ARHGAP6: variants seen among roughly 807,000 people sequenced by gnomAD.
ARHGAP6 encodes rho GTPase-activating protein 6.
A neutral mutation model predicts 55.7 loss-of-function variants in ARHGAP6; 16 were observed. The observed-to-expected ratio is 0.29, with a 90% CI of 0.19 to 0.44. The LOEUF (loss-of-function observed/expected upper bound fraction) is 0.44, where lower values mean the gene tolerates loss of function less well. ARHGAP6 is among the 20% of genes least tolerant of loss of function. The pLI is 1.00. For missense variants in ARHGAP6, 698 were observed against 808.9 expected (o/e 0.86, Z 1.66); for synonymous variants, 382 against 360.9 (o/e 1.06, Z -0.66).
At chrX:11,208,230 C>T (rs927089846) in intron 2 of ARHGAP6, among the ~76,000 whole-genome samples, 7 of 111,021 alleles carry the variant, frequency 6.3e-5, no homozygotes, top group Non-Finnish European at 1.1e-4. Flanking sequence ...TGGTGTGCCC[C>T]GTGGAGGCCA....
At chrX:11,215,439 G>A (rs768545800) in intron 2 of ARHGAP6, among the ~76,000 whole-genome samples, 2 of 113,266 alleles carry the variant, frequency 1.8e-5, no homozygotes, top group Non-Finnish European at 3.7e-5. Flanking sequence ...GGGACAGGCT[G>A]TACAGGCCAG....
intron 2 of ARHGAP6, among the ~76,000 whole-genome samples, chrX:11,239,482 C>T (rs1393836883): frequency 1.8e-5 from 2 of 110,845 alleles, no homozygotes; most frequent in African/African-American, 6.6e-5. Context: ...AAAACATGTG[C>T]CTAAGCTGAC....
intron 8 of ARHGAP6, among the ~76,000 whole-genome samples, chrX:11,176,300 C>CATATATATATATATATAT (rs59647126): frequency 1.9e-4 from 3 of 15,622 alleles, no homozygotes; most frequent in Non-Finnish European, 5.2e-4. Context: ...TATTTGCATG[C>CATATATATATATATATAT]ATATATATAT....
intron 1 of ARHGAP6, chrX:11,297,952 A>G: frequency 1.2e-5 from 7 of 566,818 alleles, no homozygotes; most frequent in Non-Finnish European, 1.2e-5. Flanking sequence ...AATCTCTTTA[A>G]CTCCCCATAA....
intron 1 of ARHGAP6, among the ~76,000 whole-genome samples, chrX:11,511,127 A>G (rs1487429550): frequency 8.9e-6 from 1 of 112,347 alleles, no homozygotes; most frequent in Non-Finnish European, 1.9e-5. Flanking sequence ...ACAGGAAATG[A>G]GCATAATTAA....
intron 1 of ARHGAP6, chrX:11,298,163 C>T: frequency 8.3e-7 from 1 of 1,207,115 alleles, no homozygotes; most frequent in Non-Finnish European, 1.1e-6. Context: ...ATATTTCCTA[C>T]TGCATCAGTG....
At chrX:11,280,411 G>GAA (rs2047839531) in intron 1 of ARHGAP6, among the ~76,000 whole-genome samples, 1 of 111,634 alleles carries the variant, frequency 9.0e-6, no homozygotes, top group Admixed American at 9.5e-5. Context: ...GTGGATACAT[G>GAA]AAAGAGGCAC....
intron 1 of ARHGAP6, among the ~76,000 whole-genome samples, chrX:11,608,441 C>T (rs1438601067): frequency 9.0e-6 from 1 of 111,526 alleles, no homozygotes; most frequent in Non-Finnish European, 1.9e-5. Context: ...TCAATATTAT[C>T]ATCATCGCCA....
At chrX:11,474,965 G>A (rs775423006) in intron 1 of ARHGAP6, among the ~76,000 whole-genome samples, 3 of 111,012 alleles carry the variant, frequency 2.7e-5, no homozygotes, top group Non-Finnish European at 5.7e-5. Flanking sequence ...TTTTGACACA[G>A]CACAGAAGCC....
intron 10 of ARHGAP6, among the ~76,000 whole-genome samples, chrX:11,155,570 G>A (rs1382226101): frequency 8.9e-6 from 1 of 111,803 alleles, no homozygotes; most frequent in Non-Finnish European, 1.9e-5. Context: ...AAAGTGCTGG[G>A]GTTACAGGTA....
Position 11,458,065 on chromosome X carries a change from G to A in ARHGAP6, c.589-203358C>T, listed in dbSNP as rs776344838. 6.2e-5 allele frequency among the ~76,000 whole-genome samples: 7 copies of A among 112,133 alleles called. No individual in the cohort carries two copies. In the South Asian group the frequency reaches 2.6e-3, roughly 42 times the overall value. On this transcript the variant is annotated intron_variant, in intron 1 of 12. Transcript: ENST00000337414. ...AACTGACATCTTTACTTTGTGATGT[G>A]TAGACACAGCCTAAAAAAATGGAAG...
chrX:11,557,591 T>C (rs2051334545), intron 1 of ARHGAP6, among the ~76,000 whole-genome samples: 1 of 110,853 alleles, frequency 9.0e-6, no homozygotes, highest in Non-Finnish European at 1.9e-5. Flanking sequence ...TCAGGAACAA[T>C]CCTCTAAAAA....
At chrX:11,610,258 G>T (rs866591161) in intron 1 of ARHGAP6, among the ~76,000 whole-genome samples, 1 of 111,594 alleles carries the variant, frequency 9.0e-6, no homozygotes, top group South Asian at 3.7e-4. Context: ...GCATTTAAAA[G>T]AAATTAAAAC....
chrX:11,356,930 C>CA (rs2048937395), intron 1 of ARHGAP6, among the ~76,000 whole-genome samples: 2 of 111,766 alleles, frequency 1.8e-5, no homozygotes, highest in South Asian at 7.4e-4. Flanking sequence ...AATGATGCTA[C>CA]AGTGTTAAAG....
intron 8 of ARHGAP6, among the ~76,000 whole-genome samples, chrX:11,171,179 T>G (rs973763164): frequency 9.0e-6 from 1 of 111,122 alleles, no homozygotes; most frequent in African/African-American, 3.3e-5. Flanking sequence ...ATTATTCACA[T>G]TCAATATATT....
intron 1 of ARHGAP6, among the ~76,000 whole-genome samples, chrX:11,468,839 G>C (rs1274965966): frequency 8.9e-6 from 1 of 112,677 alleles, no homozygotes; most frequent in Non-Finnish European, 1.9e-5. Context: ...TCCCTTTGAA[G>C]TGGATATATT....
At chrX:11,634,436 T>G (rs775700119) in intron 1 of ARHGAP6, among the ~76,000 whole-genome samples, 1 of 111,679 alleles carries the variant, frequency 9.0e-6, no homozygotes, top group South Asian at 3.7e-4. Context: ...ATCCTTAAAA[T>G]TATGCATACC....
chrX:11,174,151 C>T (rs1034615432), intron 8 of ARHGAP6, among the ~76,000 whole-genome samples: 1 of 112,059 alleles, frequency 8.9e-6, no homozygotes, highest in Non-Finnish European at 1.9e-5. Context: ...TTGATCCTCT[C>T]CCTCTACCCT....
At chrX:11,538,958 G>T (rs2051130327) in intron 1 of ARHGAP6, among the ~76,000 whole-genome samples, 1 of 109,540 alleles carries the variant, frequency 9.1e-6, no homozygotes, top group Admixed American at 9.7e-5. Flanking sequence ...GGGTTCAAGG[G>T]ATTCTCACGT....
Sources: gnomAD v4.1 joint callset for allele counts (sites outside exome capture counted in the v4.1 genomes callset) on GRCh38, gnomAD v4.1.1 for gene constraint, MANE v1.5 for transcripts, NCBI Gene and HGNC (gene_info 2026-07-23, HGNC 2026-07-21) for gene names.